The following JAKMIP3 variants were observed in gnomAD, a reference collection of about 807,000 sequenced individuals.
JAKMIP3 encodes janus kinase and microtubule-interacting protein 3.
A neutral mutation model predicts 118.5 loss-of-function variants in JAKMIP3; 58 were observed. The ratio of observed to expected loss-of-function variants is 0.49; its 90% CI spans 0.40 to 0.61. JAKMIP3 has a LOEUF of 0.61. JAKMIP3 is among the 20% of genes least tolerant of loss of function. JAKMIP3 has a pLI of 0.00. For synonymous variants in JAKMIP3, 486 were observed against 451.2 expected (o/e 1.08, Z -0.98); for missense variants, 950 against 1,109.0 (o/e 0.86, Z 2.04).
rs1360304575 is a variant in JAKMIP3 at position 132,112,867 on chromosome 10, C to G, written c.136-4210C>G. Among the ~76,000 whole-genome samples the G allele has an allele frequency of 6.6e-6, 1 of 152,214 alleles. No homozygotes were observed. Among genetic ancestry groups the G allele is most frequent in the Non-Finnish European group, 1.5e-5 (1 of 68,048 alleles). On this transcript the variant is annotated intron_variant, in intron 2 of 23. Transcript: ENST00000684848. This position sits in a 1 kb window ranked among gnomAD's most constrained non-coding sequence, Gnocchi z 4.3. ...CTCTGCCTGGCTGCGAATCCCCTCT[C>G]TCGCTCCCTCTGTCTTTCCCTTCTG...
intron 16 of JAKMIP3, among the ~76,000 whole-genome samples, chr10:132,150,620 A>G (rs991553656): frequency 2.0e-5 from 3 of 151,928 alleles, no homozygotes; most frequent in African/African-American, 7.3e-5. Context: ...CCATCCATCT[A>G]TCTATCCTGT....
intron 23 of JAKMIP3, among the ~76,000 whole-genome samples, chr10:132,170,914 G>C (rs966921479): frequency 6.6e-6 from 1 of 152,204 alleles, no homozygotes; most frequent in Non-Finnish European, 1.5e-5. Context: ...AAAGGAAAAC[G>C]TGTGAGTCAA....
intron 1 of JAKMIP3, among the ~76,000 whole-genome samples, chr10:132,066,483 G>A (rs1589733668): frequency 6.6e-6 from 1 of 152,218 alleles, no homozygotes; most frequent in Non-Finnish European, 1.5e-5. Context: ...TGCACAGCCC[G>A]GGAGGCCTGC....
intron 1 of JAKMIP3, among the ~76,000 whole-genome samples, chr10:132,070,235 C>T (rs2039621586): frequency 6.6e-6 from 1 of 152,130 alleles, no homozygotes; most frequent in African/African-American, 2.4e-5. Context: ...GCAACCTCTG[C>T]CTCCTTGGTT....
intron 4 of JAKMIP3, 92 bp from the exon 5 acceptor site, chr10:132,134,949 C>T: frequency 6.7e-7 from 1 of 1,482,258 alleles, no homozygotes; most frequent in Non-Finnish European, 9.3e-7. Context: ...CGTCCCACGG[C>T]AGCGTTTTTG....
intron 3 of JAKMIP3, among the ~76,000 whole-genome samples, chr10:132,122,420 T>C (rs2048729350): frequency 6.6e-6 from 1 of 152,256 alleles, no homozygotes; most frequent in South Asian, 2.1e-4. Context: ...CGGGAGGCTG[T>C]TGCCATCTCA....
At chr10:132,109,842 G>A (rs991271777) in intron 2 of JAKMIP3, among the ~76,000 whole-genome samples, 1 of 152,230 alleles carries the variant, frequency 6.6e-6, no homozygotes. Context: ...ACCACAAAAT[G>A]TGGGGATCCT....
At chr10:132,090,284 G>A (rs1341924591) in intron 1 of JAKMIP3, among the ~76,000 whole-genome samples, 1 of 152,212 alleles carries the variant, frequency 6.6e-6, no homozygotes, top group Non-Finnish European at 1.5e-5. Context: ...CGGAAAGAAT[G>A]GTACCAGCTC....
At chr10:132,047,269 GATTGGC>G (rs574475237) in intron 1 of JAKMIP3, among the ~76,000 whole-genome samples, 147 of 152,302 alleles carry the variant, frequency 9.7e-4, no homozygotes, top group African/African-American at 3.4e-3. Flanking sequence ...AGATAACATT[GATTGGC>G]ATTGGCTATC....
intron 16 of JAKMIP3, among the ~76,000 whole-genome samples, chr10:132,150,858 A>C (rs1341858195): frequency 1.3e-5 from 2 of 151,858 alleles, no homozygotes; most frequent in African/African-American, 4.8e-5. Flanking sequence ...TCCATAATCC[A>C]TCTATCCATC....
rs1366816957 is a variant in JAKMIP3 at position 132,048,662 on chromosome 10, C to CTTTTTTTTTTTT, written c.-138+11928_-138+11929insTTTTTTTTTTTT. The stretch of plus-strand genomic sequence containing the variant: ...TCAGAAATTCCAGGCTTGACTGTTT[C>CTTTTTTTTTTTT]TTTTCTTTTTTTTTTTTTTTGAGAT... On this transcript the variant is annotated intron_variant, in intron 1 of 23. Transcript: ENST00000657785. Among the ~76,000 whole-genome samples the CTTTTTTTTTTTT allele has an allele frequency of 3.0e-5, 3 of 99,322 alleles. 1 individual carries two copies. The highest frequency in any genetic ancestry group is 5.7e-5 in the Non-Finnish European group (3 of 52,222). The allele number at this position is 99,322 out of a possible 152,430, so 65.2% of individuals were successfully genotyped here.
In JAKMIP3 at chr10:132,133,457, C is replaced by A; in HGVS notation, c.779C>A (p.Pro260Gln). ...CAGGTCCGAGAGGCCGACCGGCACCCGGGCAGCCCCAGACGGGAACTTCCT... is the reference window on the plus strand; with the variant it reads ...CAGGTCCGAGAGGCCGACCGGCACCAGGGCAGCCCCAGACGGGAACTTCCT... Reference protein sequence around the residue: ...LSQVREADRHPGSPRRELPHA... With the variant: ...LSQVREADRHQGSPRRELPHA... Residue 260 changes from proline (P) to glutamine (Q), a missense_variant, in exon 4 of 24, where the codon CCG becomes CAG. Coordinates refer to ENST00000684848, the MANE Select transcript of JAKMIP3 (RefSeq NM_001323087.2). The A allele has an allele frequency of 1.9e-6, 3 of 1,585,966 alleles. No individual in the cohort carries two copies. Among genetic ancestry groups the A allele is most frequent in the East Asian group, 4.6e-5 (2 of 43,282 alleles).
intron 23 of JAKMIP3, among the ~76,000 whole-genome samples, chr10:132,176,266 A>G (rs2137014108): frequency 6.6e-6 from 1 of 152,338 alleles, no homozygotes; most frequent in South Asian, 2.1e-4. Context: ...TCCAGCTCAC[A>G]GGCAGCCATG....
intron 1 of JAKMIP3, among the ~76,000 whole-genome samples, chr10:132,093,110 G>A (rs1343404922): frequency 6.6e-6 from 1 of 152,184 alleles, no homozygotes; most frequent in Non-Finnish European, 1.5e-5. Flanking sequence ...AAATATTGCT[G>A]CCTGATCATT....
chr10:132,061,191 G>GGCGCACACATACACCTGCCGTGACGGC (rs2038381581), upstream of JAKMIP3, among the ~76,000 whole-genome samples: 3 of 106,934 alleles, frequency 2.8e-5, no homozygotes, highest in African/African-American at 9.2e-5. Flanking sequence ...CTGCCGTGAC[G>GGCGCACACATACACCTGCCGTGACGGC]GCGCACACAC....
chr10:132,152,929 C>T, intron 16 of JAKMIP3, 29 bp from the exon 17 acceptor site: 1 of 1,574,256 alleles, frequency 6.4e-7, no homozygotes, highest in South Asian at 1.2e-5. Flanking sequence ...CTGCTTCTGA[C>T]CGCACCTGTG....
In JAKMIP3 at chr10:132,141,939, C is replaced by T. The variant is rs923560323; in HGVS notation, c.1493C>T (p.Thr498Met). ...DLEEGMAKEETELRFRQLTME... is the reference protein window; with the variant it reads ...DLEEGMAKEEMELRFRQLTME... ...CTCCAGGGCATGGCCAAGGAGGAGACGGAGCTGAGGTTCCGGCAGCTGACC... is the reference window on the plus strand; with the variant it reads ...CTCCAGGGCATGGCCAAGGAGGAGATGGAGCTGAGGTTCCGGCAGCTGACC... Residue 498 changes from threonine (T) to methionine (M), a missense_variant, in exon 11 of 24, where the codon ACG (threonine) becomes ATG (methionine). Transcript: ENST00000684848. The T allele has an allele frequency of 1.0e-5, 16 of 1,593,958 alleles. No individual in the cohort carries two copies. The highest frequency in any genetic ancestry group is 3.5e-5 in the Admixed American group (2 of 57,194).
intron 3 of JAKMIP3, among the ~76,000 whole-genome samples, chr10:132,119,792 G>A (rs918289148): frequency 4.6e-5 from 7 of 152,158 alleles, no homozygotes; most frequent in Admixed American, 4.6e-4. Flanking sequence ...TTAGCAGAGG[G>A]TATAATCATG....
rs146502901 is a variant in JAKMIP3 at position 132,047,552 on chromosome 10, C to T, written c.-138+10814C>T. Among the ~76,000 whole-genome samples the T allele has an allele frequency of 3.0e-3, 452 of 152,352 alleles. 1 individual carries two copies. Among genetic ancestry groups the T allele is most frequent in the Non-Finnish European group, 4.5e-3 (309 of 68,038 alleles). On this transcript the variant is annotated intron_variant, in intron 1 of 23. Coordinates refer to the JAKMIP3 transcript ENST00000657785. ...CAAAACCAGGACACTAACATTGGTA[C>T]AACATCATCACCCAAGCCACACACC...
Sources: allele counts gnomAD v4.1 joint callset (sites outside exome capture counted in the v4.1 genomes callset), GRCh38; gene constraint gnomAD v4.1.1; non-coding constraint Gnocchi (gnomAD v3.1); transcripts MANE v1.5; gene names NCBI Gene and HGNC (gene_info 2026-07-23, HGNC 2026-07-21).